NHSL3: variants seen among roughly 807,000 people sequenced by gnomAD.
NHSL3 encodes the protein NHS like 3, also known as NHS-like protein 3.
chr1:32,769,599 A>G, the NHSL3 span: 765 of 1,158,208 alleles, frequency 6.6e-4, 8 homozygotes, highest in African/African-American at 0.011. Context: ...AGCTCTTATT[A>G]CAAAAGTAGT....
chr1:32,773,223 C>T, the NHSL3 span: 4 of 403,168 alleles, frequency 9.9e-6, no homozygotes, highest in Non-Finnish European at 1.8e-5. Context: ...GGACACCTCA[C>T]CTGAGTTTCA....
chr1:32,771,621 C>T, the NHSL3 span: 1 of 1,613,168 alleles, frequency 6.2e-7, no homozygotes, highest in Non-Finnish European at 8.5e-7. Context: ...TTGTCAGCTC[C>T]CCGGCTGCTT....
the NHSL3 span, chr1:32,774,029 G>A: frequency 6.6e-6 from 1 of 152,666 alleles, no homozygotes; most frequent in Non-Finnish European, 1.5e-5. Context: ...GGCAGGCTGG[G>A]TGGTGGTCCC....
At chr1:32,763,321 C>T in the NHSL3 span, among the ~76,000 whole-genome samples, 1 of 152,018 alleles carries the variant, frequency 6.6e-6, no homozygotes, top group African/African-American at 2.4e-5. Flanking sequence ...CAGCTGAAAC[C>T]CTCAAGGCTT....
chr1:32,754,049 T>C, the NHSL3 span: 2 of 631,976 alleles, frequency 3.2e-6, no homozygotes, highest in East Asian at 6.8e-5. Flanking sequence ...CCGGGCTGGC[T>C]GGGCCGCGCT....
At chr1:32,746,524 T>C in the NHSL3 span, among the ~76,000 whole-genome samples, 6 of 152,194 alleles carry the variant, frequency 3.9e-5, no homozygotes, top group Non-Finnish European at 8.8e-5. Flanking sequence ...AGTCTTCCTA[T>C]GTCCTTACAG....
At chr1:32,752,312 C>T in the NHSL3 span, among the ~76,000 whole-genome samples, 1 of 152,232 alleles carries the variant, frequency 6.6e-6, no homozygotes, top group East Asian at 1.9e-4. Flanking sequence ...TTTGCTGGAG[C>T]CATCGGGCAT....
chr1:32,743,676 C>T, the NHSL3 span, among the ~76,000 whole-genome samples: 1 of 152,196 alleles, frequency 6.6e-6, no homozygotes, highest in South Asian at 2.1e-4. Flanking sequence ...GGACCTTTTT[C>T]CTCTGGGAGA....
the NHSL3 span, among the ~76,000 whole-genome samples, chr1:32,761,658 G>A: frequency 6.6e-6 from 1 of 152,216 alleles, no homozygotes; most frequent in African/African-American, 2.4e-5. Context: ...GTACCTTCCA[G>A]TACCTGCCTC....
the NHSL3 span, chr1:32,769,568 T>C: frequency 4.4e-6 from 4 of 904,732 alleles, no homozygotes; most frequent in South Asian, 4.3e-5. Context: ...CCTACTTGAC[T>C]GTGGAAACCA....
the NHSL3 span, chr1:32,771,285 C>T: frequency 6.2e-7 from 1 of 1,607,906 alleles, no homozygotes; most frequent in South Asian, 1.1e-5. Flanking sequence ...CCACTGACGC[C>T]AGTCCTCAGT....
At chr1:32,768,215 C>A in the NHSL3 span, 4 of 858,170 alleles carry the variant, frequency 4.7e-6, no homozygotes, top group Non-Finnish European at 4.0e-6. Flanking sequence ...TTCTTTATCA[C>A]AAAGGGCTAC....
chr1:32,753,796 C>T, the NHSL3 span, among the ~76,000 whole-genome samples: 3 of 152,198 alleles, frequency 2.0e-5, no homozygotes, highest in Non-Finnish European at 4.4e-5. Flanking sequence ...ACCCGCCTGC[C>T]CCACCTGGAC....
At chr1:32,756,877 G>A in the NHSL3 span, among the ~76,000 whole-genome samples, 736 of 152,204 alleles carry the variant, frequency 4.8e-3, 9 homozygotes, top group African/African-American at 0.017. Context: ...GCTGAGGCAG[G>A]AGAATCACTT....
the NHSL3 span, among the ~76,000 whole-genome samples, chr1:32,755,751 T>C: frequency 6.6e-6 from 1 of 152,202 alleles, no homozygotes; most frequent in South Asian, 2.1e-4. Flanking sequence ...AGTTAGGCTC[T>C]TTGAGGATTT....
At chr1:32,766,752 A>G in the NHSL3 span, among the ~76,000 whole-genome samples, 1 of 152,070 alleles carries the variant, frequency 6.6e-6, no homozygotes, top group Non-Finnish European at 1.5e-5. Flanking sequence ...GCTTTTGCTT[A>G]TGTTGTGGGT....
At chr1:32,762,985 T>C in the NHSL3 span, among the ~76,000 whole-genome samples, 1 of 150,484 alleles carries the variant, frequency 6.6e-6, no homozygotes, top group Non-Finnish European at 1.5e-5. Context: ...GGAATTTTTT[T>C]TTTTTTTTTT....
the NHSL3 span, chr1:32,771,941 G>A: frequency 9.4e-6 from 15 of 1,603,440 alleles, no homozygotes; most frequent in Admixed American, 1.7e-5. Flanking sequence ...GGGCGGGCCA[G>A]CCCAGTGCCT....
the NHSL3 span, among the ~76,000 whole-genome samples, chr1:32,750,134 A>G: frequency 6.6e-5 from 10 of 152,138 alleles, no homozygotes; most frequent in Admixed American, 4.6e-4. Flanking sequence ...CCCAAAGGCC[A>G]CCTCTAGCCC....
Sources: allele counts gnomAD v4.1 joint callset (sites outside exome capture counted in the v4.1 genomes callset), GRCh38; gene constraint gnomAD v4.1.1; transcripts MANE v1.5; gene names NCBI Gene and HGNC (gene_info 2026-07-23, HGNC 2026-07-21).